Variants in CCDC91 observed in about 807,000 individuals in gnomAD.
The protein encoded by CCDC91 is coiled-coil domain-containing protein 91.
In CCDC91, 48 loss-of-function variants were observed where a neutral mutation model predicts 63.2. The ratio of observed to expected loss-of-function variants is 0.76; its 90% CI spans 0.60 to 0.97. The LOEUF (loss-of-function observed/expected upper bound fraction) is 0.97. CCDC91 is among the 50% of genes least tolerant of loss of function. The pLI, the probability that CCDC91 is intolerant of heterozygous loss-of-function variation, is 0.00. For synonymous variants in CCDC91, 167 were observed against 165.8 expected, an observed-to-expected ratio of 1.01 and a Z score of -0.06; for missense variants, 500 against 494.6, an observed-to-expected ratio of 1.01 and a Z score of -0.10.
At chr12:28,417,118 G>A (rs1245706201) in intron 8 of CCDC91, among the ~76,000 whole-genome samples, 1 of 151,976 alleles carries the variant, frequency 6.6e-6, no homozygotes, top group Non-Finnish European at 1.5e-5. Flanking sequence ...TAGATTTTGG[G>A]CCTGAAATTT....
intron 6 of CCDC91, among the ~76,000 whole-genome samples, chr12:28,339,087 T>A (rs1412528110): frequency 6.6e-6 from 1 of 152,126 alleles, no homozygotes; most frequent in Non-Finnish European, 1.5e-5. Flanking sequence ...GTGATCCACC[T>A]GCCTCGGCTT....
In CCDC91 at chr12:28,273,274, A is replaced by C. The variant is rs1045164198; in HGVS notation, c.109+13832A>C. On this transcript the variant is annotated intron_variant, in intron 3 of 12. Coordinates refer to ENST00000536442, the MANE Select transcript of CCDC91 (RefSeq NM_018318.5). Reference sequence around the variant, plus strand: ...TTTGGGTTGGTTCCAAGTCTTTGCTATTGTGAATAGTGCCGCAGTAAACAT... The same window carrying C: ...TTTGGGTTGGTTCCAAGTCTTTGCTCTTGTGAATAGTGCCGCAGTAAACAT... 3.9e-5 allele frequency among the ~76,000 whole-genome samples: 6 copies of C among 152,070 alleles called. No individual in the cohort carries two copies. The East Asian group carries it at 1.2e-3, about 29-fold the overall frequency.
chr12:28,508,336 T>C (rs1468202350), intron 12 of CCDC91, among the ~76,000 whole-genome samples: 1 of 151,796 alleles, frequency 6.6e-6, no homozygotes, highest in Non-Finnish European at 1.5e-5. Flanking sequence ...CTGTTCTTTT[T>C]TCTGGACTCC....
At chr12:28,521,784 C>T (rs963016496) in intron 12 of CCDC91, among the ~76,000 whole-genome samples, 4 of 151,882 alleles carry the variant, frequency 2.6e-5, no homozygotes, top group African/African-American at 7.3e-5. Flanking sequence ...TAGCTTGAAG[C>T]GTTGTTGAGT....
chr12:28,536,750 A>G (rs1170665105), intron 12 of CCDC91, among the ~76,000 whole-genome samples: 1 of 152,090 alleles, frequency 6.6e-6, no homozygotes, highest in Non-Finnish European at 1.5e-5. Context: ...CATTGGGACA[A>G]ATTTTCCTAA....
intron 1 of CCDC91, among the ~76,000 whole-genome samples, chr12:28,226,777 A>G (rs1175092205): frequency 2.6e-5 from 4 of 151,998 alleles, no homozygotes; most frequent in South Asian, 2.1e-4. Flanking sequence ...GTTATCATAC[A>G]TTTAGTGGTC....
At chr12:28,447,014 T>C (rs1949535683) in intron 8 of CCDC91, among the ~76,000 whole-genome samples, 2 of 152,180 alleles carry the variant, frequency 1.3e-5, no homozygotes, top group South Asian at 2.1e-4. Context: ...TGTCCTGTTA[T>C]TGTTAGAAAA....
At chr12:28,349,757 T>G (rs1418441106) in intron 6 of CCDC91, among the ~76,000 whole-genome samples, 2 of 152,154 alleles carry the variant, frequency 1.3e-5, no homozygotes, top group Non-Finnish European at 2.9e-5. Flanking sequence ...ACTCTGGTAC[T>G]CCTGCCCTCA....
chr12:28,458,594 T>C (rs11049625), intron 11 of CCDC91, among the ~76,000 whole-genome samples: 31,569 of 150,122 alleles, frequency 0.21, 4,326 homozygotes, highest in Non-Finnish European at 0.31. Context: ...CTCAGCCTCC[T>C]GAATAGCTGC....
chr12:28,262,428 G>A (rs1172859860), intron 3 of CCDC91, among the ~76,000 whole-genome samples: 1 of 151,972 alleles, frequency 6.6e-6, no homozygotes. Flanking sequence ...AATGAGGTGG[G>A]TTTGGTGAGC....
At chr12:28,357,061 A>G (rs1041087592) in intron 6 of CCDC91, among the ~76,000 whole-genome samples, 1 of 152,200 alleles carries the variant, frequency 6.6e-6, no homozygotes, top group African/African-American at 2.4e-5. Context: ...GCCAACAAAA[A>G]TAGAATATGA....
intron 6 of CCDC91, among the ~76,000 whole-genome samples, chr12:28,316,787 A>G (rs1740643220): frequency 6.6e-6 from 1 of 151,666 alleles, no homozygotes; most frequent in Admixed American, 6.6e-5. Context: ...TATAGTGGCA[A>G]CATTTTATAA....
intron 6 of CCDC91, among the ~76,000 whole-genome samples, chr12:28,360,727 G>A (rs1943824818): frequency 6.6e-6 from 1 of 152,116 alleles, no homozygotes; most frequent in South Asian, 2.1e-4. Context: ...GCAGATTTTA[G>A]TATAAGGGGT....
At chr12:28,537,651 G>T (rs1297474240) in intron 12 of CCDC91, among the ~76,000 whole-genome samples, 2 of 152,154 alleles carry the variant, frequency 1.3e-5, no homozygotes, top group African/African-American at 2.4e-5. Context: ...AGTCATAAAA[G>T]GATTCAGAAA....
Position 28,481,993 on chromosome 12 carries a change from G to T in CCDC91, c.1102-2059G>T, listed in dbSNP as rs927559272. 2.7e-4 allele frequency among the ~76,000 whole-genome samples: 41 copies of T among 151,954 alleles called. 1 individual carries two copies. Among genetic ancestry groups the T allele is most frequent in the Middle Eastern group, 3.4e-3 (1 of 294 alleles). On this transcript the variant is annotated intron_variant, in intron 11 of 12. Coordinates refer to ENST00000536442, the MANE Select transcript of CCDC91 (RefSeq NM_018318.5). ...TTTAGTTAATATGTTTCTTATGACA[G>T]TTTTTTATCTGCAGTTGTAAAATTT...
intron 6 of CCDC91, among the ~76,000 whole-genome samples, chr12:28,323,753 G>A (rs1025851779): frequency 6.6e-6 from 1 of 151,808 alleles, no homozygotes; most frequent in Non-Finnish European, 1.5e-5. Flanking sequence ...AATATAAATA[G>A]GTCTTTGCCA....
intron 1 of CCDC91, among the ~76,000 whole-genome samples, chr12:28,240,109 C>G (rs1240640592): frequency 6.6e-6 from 1 of 152,162 alleles, no homozygotes; most frequent in East Asian, 1.9e-4. Flanking sequence ...GCAGTGTCAT[C>G]ATGAGTTATT....
At chr12:28,414,023 G>T (rs544955302) in intron 8 of CCDC91, among the ~76,000 whole-genome samples, 1 of 152,276 alleles carries the variant, frequency 6.6e-6, no homozygotes, top group South Asian at 2.1e-4. Context: ...AGGAAATTGG[G>T]TCTGTGATTT....
chr12:28,471,997 C>T (rs545428524), intron 11 of CCDC91, among the ~76,000 whole-genome samples: 2 of 152,238 alleles, frequency 1.3e-5, no homozygotes, highest in South Asian at 2.1e-4. Flanking sequence ...GTGATCAGCC[C>T]GCTTCATCCT....
Sources: allele counts gnomAD v4.1 joint callset (sites outside exome capture counted in the v4.1 genomes callset), GRCh38; gene constraint gnomAD v4.1.1; transcripts MANE v1.5; gene names NCBI Gene and HGNC (gene_info 2026-07-23, HGNC 2026-07-21).